FHOD3: variants seen among roughly 807,000 people sequenced by gnomAD.
FHOD3 encodes FH1/FH2 domain-containing protein 3.
A neutral mutation model predicts 173.0 loss-of-function variants in FHOD3; 90 were observed. The ratio of observed to expected loss-of-function variants is 0.52; its 90% CI spans 0.44 to 0.62. The LOEUF (loss-of-function observed/expected upper bound fraction) is 0.62, where lower values mean the gene tolerates loss of function less well. FHOD3 is among the 20% of genes least tolerant of loss of function. The pLI, the probability that FHOD3 is intolerant of heterozygous loss-of-function variation, is 0.00. For missense variants in FHOD3, 1,945 were observed against 2,034.7 expected, an observed-to-expected ratio of 0.96 and a Z score of 0.85; for synonymous variants, 828 against 823.0, an observed-to-expected ratio of 1.01 and a Z score of -0.10.
At chr18:36,747,913 C>T (rs1217946648) in intron 24 of FHOD3, among the ~76,000 whole-genome samples, 1 of 152,190 alleles carries the variant, frequency 6.6e-6, no homozygotes, top group Non-Finnish European at 1.5e-5. Flanking sequence ...TCCCTCCCTC[C>T]CTGCCTTTCC....
rs149196867 is a variant in FHOD3 at position 36,654,374 on chromosome 18, CT to C, written c.1721+959del. Reference sequence around the variant, plus strand: ...TATCTGAAGGAATTTTGAAGTTTCCCTCCAAGTTTTGAGAAGCCTGTCTACA... The same window carrying C: ...TATCTGAAGGAATTTTGAAGTTTCCCCCAAGTTTTGAGAAGCCTGTCTACA... On this transcript the variant is annotated intron_variant, in intron 13 of 28. Coordinates refer to ENST00000590592, the MANE Select transcript of FHOD3 (RefSeq NM_001281740.3). Among the ~76,000 whole-genome samples, 743 of 152,296 alleles carry C rather than the reference CT, an allele frequency of 4.9e-3. 5 individuals carry two copies. The highest frequency in any genetic ancestry group is 0.016 in the African/African-American group (669 of 41,556).
chr18:36,444,583 A>G (rs983181855), intron 3 of FHOD3, among the ~76,000 whole-genome samples: 10 of 151,982 alleles, frequency 6.6e-5, no homozygotes, highest in South Asian at 4.2e-4. Context: ...CTCATCCTCT[A>G]TAGATAACTA....
At chr18:36,361,084 G>T (rs989460239) in intron 2 of FHOD3, among the ~76,000 whole-genome samples, 7 of 152,078 alleles carry the variant, frequency 4.6e-5, no homozygotes, top group African/African-American at 1.7e-4. Flanking sequence ...TCCTCTTAAG[G>T]TAGTTATCCT....
At chr18:36,715,281 A>T (rs899816245) in intron 18 of FHOD3, among the ~76,000 whole-genome samples, 5 of 152,186 alleles carry the variant, frequency 3.3e-5, no homozygotes, top group Non-Finnish European at 5.9e-5. Context: ...ACAAGATCTG[A>T]TAGTTTTTTA....
At chr18:36,388,223 T>C (rs183515148) in intron 3 of FHOD3, among the ~76,000 whole-genome samples, 81 of 152,276 alleles carry the variant, frequency 5.3e-4, no homozygotes, top group African/African-American at 1.7e-3. Flanking sequence ...TTTCTGACAT[T>C]GTCCTGATTC....
At chr18:36,664,811 A>AGAGAGAGAGAGAGATT (rs1434593563) in intron 14 of FHOD3, among the ~76,000 whole-genome samples, 2 of 148,920 alleles carry the variant, frequency 1.3e-5, no homozygotes, top group Non-Finnish European at 1.5e-5. Flanking sequence ...AGAGAGAGAG[A>AGAGAGAGAGAGAGATT]GAGATTGAGA....
rs2047727707 is a variant in FHOD3 at position 36,380,627 on chromosome 18, CCTTT to C, written c.337+7885_337+7888del. On this transcript the variant is annotated intron_variant, in intron 3 of 28. Transcript: ENST00000590592. ...CCTTTCCTTTCCTTTCCTTTCCTTT[CCTTT>C]CCTTTCCTTTCTCTGTATCTCTTTC... Among the ~76,000 whole-genome samples the C allele has an allele frequency of 2.0e-5, 3 of 147,326 alleles. No homozygotes were observed. The South Asian group carries it at 6.6e-4, about 32-fold the overall frequency.
rs367937202 is a variant in FHOD3 at position 36,613,405 on chromosome 18, G to A, written c.957+1310G>A. On this transcript the variant is annotated intron_variant, in intron 9 of 28. Coordinates refer to ENST00000590592, the MANE Select transcript of FHOD3 (RefSeq NM_001281740.3). The stretch of plus-strand genomic sequence containing the variant: ...GTCAAATGCCCTCACGGTATTGAAA[G>A]TACTTAACTATGAGAGTGTTGAAAT... Among the ~76,000 whole-genome samples the A allele has an allele frequency of 2.6e-5, 4 of 152,300 alleles. No homozygotes were observed. The South Asian group carries it at 6.2e-4, about 24-fold the overall frequency.
intron 3 of FHOD3, among the ~76,000 whole-genome samples, chr18:36,447,540 T>C (rs2051566532): frequency 6.6e-6 from 1 of 152,200 alleles, no homozygotes; most frequent in Admixed American, 6.5e-5. Flanking sequence ...GTGTTGACTG[T>C]ACCGAAGAAC....
chr18:36,677,871 G>A (rs1053923189), intron 14 of FHOD3, among the ~76,000 whole-genome samples: 13 of 152,124 alleles, frequency 8.5e-5, no homozygotes, highest in Non-Finnish European at 1.9e-4. Flanking sequence ...ATACATAAAT[G>A]TGATATAGCT....
chr18:36,645,427 CA>C (rs1310721488), intron 10 of FHOD3, among the ~76,000 whole-genome samples: 9 of 149,858 alleles, frequency 6.0e-5, no homozygotes, highest in Non-Finnish European at 1.2e-4. Context: ...GACTCTGTCT[CA>C]AAAAAAAAGG....
chr18:36,658,334 T>C, intron 14 of FHOD3, 146 bp downstream of exon 14: 1 of 571,392 alleles, frequency 1.8e-6, no homozygotes, highest in South Asian at 2.6e-5. Context: ...CCAGGAATAT[T>C]TTCTCTTTCT....
rs114645254 is a variant in FHOD3 at position 36,311,925 on chromosome 18, G to T, written c.165+13925G>T. On this transcript the variant is annotated intron_variant, in intron 1 of 28. Coordinates refer to ENST00000590592, the MANE Select transcript of FHOD3 (RefSeq NM_001281740.3). ...TCTGAGATCCTCCCATTAGCATTTA[G>T]GTGGGCTAAAGCCTCTTTTGTCCAG... Among the ~76,000 whole-genome samples, 952 of 152,258 alleles carry T rather than the reference G, an allele frequency of 6.3e-3. 10 individuals carry two copies. Among genetic ancestry groups the T allele is most frequent in the African/African-American group, 0.022 (914 of 41,546 alleles).
At chr18:36,594,758 T>C (rs1417571938) in intron 6 of FHOD3, 29 bp from the exon 7 acceptor site, 3 of 1,536,498 alleles carry the variant, frequency 2.0e-6, no homozygotes, top group East Asian at 4.5e-5. Context: ...TTGTTGGCAG[T>C]GATGTGATGG....
At chr18:36,530,855 G>A (rs1055971856) in intron 5 of FHOD3, among the ~76,000 whole-genome samples, 2 of 152,268 alleles carry the variant, frequency 1.3e-5, no homozygotes, top group East Asian at 3.9e-4. Flanking sequence ...TTGCTTCTTA[G>A]TAGCTGGGGC....
Position 36,488,539 on chromosome 18 carries a change from C to A in FHOD3, c.338-13393C>A, listed in dbSNP as rs562859599. On this transcript the variant is annotated intron_variant, in intron 3 of 28. Coordinates refer to ENST00000590592, the MANE Select transcript of FHOD3 (RefSeq NM_001281740.3). ...GTGCAGTGCCCAGGAAAGGACTGGACTATTCACTGTATGGAGGACATTAGG... is the reference window on the plus strand; with the variant it reads ...GTGCAGTGCCCAGGAAAGGACTGGAATATTCACTGTATGGAGGACATTAGG... Among the ~76,000 whole-genome samples the A allele has an allele frequency of 2.5e-4, 38 of 152,252 alleles. No homozygotes were observed. In the South Asian group the frequency reaches 7.9e-3, roughly 32 times the overall value.
chr18:36,585,440 C>CTTCCATTCACTCTGAGATGATCATCT, intron 6 of FHOD3, among the ~76,000 whole-genome samples: 1 of 151,700 alleles, frequency 6.6e-6, no homozygotes, highest in African/African-American at 2.4e-5. Flanking sequence ...TGAGAATAAT[C>CTTCCATTCACTCTGAGATGATCATCT]TCAGTAGGAA....
At chr18:36,704,265 G>A (rs1024997067) in intron 17 of FHOD3, among the ~76,000 whole-genome samples, 3 of 152,216 alleles carry the variant, frequency 2.0e-5, no homozygotes, top group East Asian at 3.9e-4. Flanking sequence ...TTTGCTAAGT[G>A]CATCCTAGCG....
At chr18:36,509,283 C>T (rs539507342) in intron 4 of FHOD3, among the ~76,000 whole-genome samples, 7 of 151,904 alleles carry the variant, frequency 4.6e-5, no homozygotes, top group Middle Eastern at 3.4e-3. Flanking sequence ...AGAAATTAGC[C>T]GGGCATGGTG....
Sources: allele counts gnomAD v4.1 joint callset (sites outside exome capture counted in the v4.1 genomes callset), GRCh38; gene constraint gnomAD v4.1.1; transcripts MANE v1.5; gene names NCBI Gene and HGNC (gene_info 2026-07-23, HGNC 2026-07-21).